RIMS2: variants seen among roughly 807,000 people sequenced by gnomAD.
RIMS2 encodes regulating synaptic membrane exocytosis protein 2.
Under a neutral mutation model 174.4 loss-of-function variants are expected in RIMS2, and 59 were observed. The ratio of observed to expected loss-of-function variants is 0.34; its 90% CI spans 0.27 to 0.42. The LOEUF (loss-of-function observed/expected upper bound fraction) is 0.42. RIMS2 is among the 10% of genes least tolerant of loss of function. The pLI, the probability that RIMS2 is intolerant of heterozygous loss-of-function variation, is 1.00. For missense variants in RIMS2, 1,620 were observed against 1,666.3 expected, an observed-to-expected ratio of 0.97 and a Z score of 0.48; for synonymous variants, 606 against 572.5, an observed-to-expected ratio of 1.06 and a Z score of -0.84.
At chr8:103,680,387 G>T (rs1321428101) in intron 1 of RIMS2, among the ~76,000 whole-genome samples, 2 of 151,958 alleles carry the variant, frequency 1.3e-5, no homozygotes, top group African/African-American at 4.8e-5. Context: ...ACTTCAGATT[G>T]ATTAAAAGCC....
chr8:103,892,002 T>A (rs1019720961), intron 4 of RIMS2, among the ~76,000 whole-genome samples: 1 of 152,074 alleles, frequency 6.6e-6, no homozygotes, highest in Admixed American at 6.6e-5. Flanking sequence ...TAATTTTTTA[T>A]AATTTTTAAG....
chr8:104,104,908 T>G (rs925163930), intron 19 of RIMS2, among the ~76,000 whole-genome samples: 2 of 151,534 alleles, frequency 1.3e-5, no homozygotes, highest in Non-Finnish European at 2.9e-5. Flanking sequence ...AGAGAACATG[T>G]TTTTGAAATG....
At chr8:104,135,160 G>A (rs1047561572) in intron 19 of RIMS2, among the ~76,000 whole-genome samples, 6 of 152,194 alleles carry the variant, frequency 3.9e-5, no homozygotes, top group Non-Finnish European at 8.8e-5. Flanking sequence ...GAGGAAAGCA[G>A]AAGGTGAGAG....
At chr8:103,770,549 C>A (rs955367523) in intron 3 of RIMS2, among the ~76,000 whole-genome samples, 3 of 152,042 alleles carry the variant, frequency 2.0e-5, no homozygotes, top group Admixed American at 6.6e-5. Context: ...GCATTCCAGC[C>A]TGGGCAACAA....
At chr8:103,688,504 G>C (rs1039134339) in intron 1 of RIMS2, among the ~76,000 whole-genome samples, 2 of 152,044 alleles carry the variant, frequency 1.3e-5, no homozygotes, top group African/African-American at 4.8e-5. Context: ...CAGTTTGCTA[G>C]TATTTGGTTG....
intron 3 of RIMS2, among the ~76,000 whole-genome samples, chr8:103,874,375 C>G (rs2099125756): frequency 6.6e-6 from 1 of 151,958 alleles, no homozygotes; most frequent in Admixed American, 6.6e-5. Context: ...AACCACAAAG[C>G]TTAGAATGGA....
At chr8:103,898,079 G>T (rs934344844) in intron 4 of RIMS2, among the ~76,000 whole-genome samples, 1 of 151,632 alleles carries the variant, frequency 6.6e-6, no homozygotes, top group Non-Finnish European at 1.5e-5. Context: ...TCTCAGAGGG[G>T]ATGATCTGAC....
intron 19 of RIMS2, among the ~76,000 whole-genome samples, chr8:104,060,161 G>A (rs1243334536): frequency 5.3e-5 from 8 of 151,678 alleles, no homozygotes; most frequent in African/African-American, 1.9e-4. Flanking sequence ...GTTCCTCCTT[G>A]TACCTCTGGT....
chr8:104,107,015 G>A (rs1237465314), intron 19 of RIMS2, among the ~76,000 whole-genome samples: 2 of 151,398 alleles, frequency 1.3e-5, no homozygotes, highest in Admixed American at 6.6e-5. Flanking sequence ...TAATCTTCAG[G>A]ATACAAAAGT....
intron 2 of RIMS2, among the ~76,000 whole-genome samples, chr8:103,707,350 G>A (rs2097245296): frequency 6.6e-6 from 1 of 152,170 alleles, no homozygotes; most frequent in Non-Finnish European, 1.5e-5. Context: ...TTGATGCCTA[G>A]GCATTGAAGA....
intron 1 of RIMS2, among the ~76,000 whole-genome samples, chr8:103,536,064 GTAGTT>G (rs1477778580): frequency 4.6e-5 from 7 of 152,168 alleles, no homozygotes; most frequent in African/African-American, 1.7e-4. Context: ...TAATAAAATA[GTAGTT>G]TGGGTCACCT....
chr8:103,601,031 C>A (rs906626747), intron 1 of RIMS2, among the ~76,000 whole-genome samples: 1 of 152,102 alleles, frequency 6.6e-6, no homozygotes, highest in African/African-American at 2.4e-5. Context: ...CTATTCATAT[C>A]TGCTGCCTAT....
intron 1 of RIMS2, among the ~76,000 whole-genome samples, chr8:103,613,902 G>A (rs1183471812): frequency 1.3e-5 from 2 of 152,128 alleles, no homozygotes; most frequent in Non-Finnish European, 2.9e-5. Context: ...TGGCTGAGTA[G>A]GTATGTATTC....
intron 19 of RIMS2, among the ~76,000 whole-genome samples, chr8:104,050,930 A>G (rs960695586): frequency 1.3e-5 from 2 of 152,110 alleles, no homozygotes; most frequent in Non-Finnish European, 2.9e-5. Flanking sequence ...TGTGATGAAA[A>G]CATAATATAT....
At chr8:104,168,360 C>T (rs184939018) in intron 19 of RIMS2, among the ~76,000 whole-genome samples, 140 of 152,056 alleles carry the variant, frequency 9.2e-4, no homozygotes, top group African/African-American at 3.3e-3. Context: ...TGTAGTTTTC[C>T]TTGTAGAGAT....
chr8:104,181,659 C>G (rs1248236168), intron 19 of RIMS2, among the ~76,000 whole-genome samples: 1 of 151,448 alleles, frequency 6.6e-6, no homozygotes, highest in Non-Finnish European at 1.5e-5. Context: ...TAATTTTGTA[C>G]TATTGCTTTT....
intron 1 of RIMS2, among the ~76,000 whole-genome samples, chr8:103,639,731 G>A (rs917440091): frequency 6.6e-6 from 1 of 151,860 alleles, no homozygotes; most frequent in Non-Finnish European, 1.5e-5. Flanking sequence ...CTGAGATTAT[G>A]AATAAAACTG....
At chr8:104,124,179 C>T (rs1211008157) in intron 19 of RIMS2, among the ~76,000 whole-genome samples, 1 of 151,932 alleles carries the variant, frequency 6.6e-6, no homozygotes, top group Non-Finnish European at 1.5e-5. Flanking sequence ...ATCAGAATGA[C>T]ACAAAGAAGC....
chr8:103,662,642 G>A (rs1005711003), intron 1 of RIMS2, among the ~76,000 whole-genome samples: 4 of 152,046 alleles, frequency 2.6e-5, no homozygotes, highest in Admixed American at 6.5e-5. Flanking sequence ...GAGAAGAAAT[G>A]AAACACCTTT....
Sources: gnomAD v4.1 joint callset for allele counts (sites outside exome capture counted in the v4.1 genomes callset) on GRCh38, gnomAD v4.1.1 for gene constraint, MANE v1.5 for transcripts, NCBI Gene and HGNC (gene_info 2026-07-23, HGNC 2026-07-21) for gene names.